The following CTNNA2 variants were observed in gnomAD, a reference collection of about 807,000 sequenced individuals.
The protein encoded by CTNNA2 is catenin alpha 2, also known as catenin alpha-2.
A neutral mutation model predicts 101.0 loss-of-function variants in CTNNA2; 42 were observed. The observed-to-expected ratio is 0.42, with a 90% CI of 0.32 to 0.54. The LOEUF (loss-of-function observed/expected upper bound fraction) is 0.54. CTNNA2 is among the 20% of genes least tolerant of loss of function. The pLI is 0.14. For synonymous variants in CTNNA2, 450 were observed against 456.4 expected (o/e 0.99, Z 0.18); for missense variants, 871 against 1,223.1 (o/e 0.71, Z 4.29).
intron 9 of CTNNA2, among the ~76,000 whole-genome samples, chr2:80,459,982 T>C (rs759662075): frequency 3.3e-5 from 5 of 152,144 alleles, no homozygotes; most frequent in African/African-American, 4.8e-5. Context: ...AGACTCAAAA[T>C]AATTTCCTTT....
At chr2:80,618,962 C>G (rs1699077061) in intron 17 of CTNNA2, 123 bp from the exon 18 acceptor site, 2 of 534,674 alleles carry the variant, frequency 3.7e-6, no homozygotes, top group South Asian at 9.7e-5. Flanking sequence ...CTTCATATAC[C>G]TCTTTTTTCC....
intron 6 of CTNNA2, among the ~76,000 whole-genome samples, chr2:79,882,897 G>T (rs561247530): frequency 6.6e-6 from 1 of 150,780 alleles, no homozygotes; most frequent in African/African-American, 2.5e-5. Flanking sequence ...CAGTTTTGCC[G>T]GCTGTGTTGC....
intron 7 of CTNNA2, among the ~76,000 whole-genome samples, chr2:80,233,588 G>A (rs1709378822): frequency 6.6e-6 from 1 of 152,168 alleles, no homozygotes; most frequent in Admixed American, 6.6e-5. Context: ...TATCTGTGAT[G>A]TGACAGACAG....
chr2:80,413,532 C>T (rs953750785), intron 8 of CTNNA2, among the ~76,000 whole-genome samples: 1 of 152,098 alleles, frequency 6.6e-6, no homozygotes, highest in Non-Finnish European at 1.5e-5. Context: ...CCTTCATTAC[C>T]AATGGAGTGT....
At chr2:79,737,025 C>T (rs1670929877) in intron 2 of CTNNA2, among the ~76,000 whole-genome samples, 1 of 152,092 alleles carries the variant, frequency 6.6e-6, no homozygotes, top group Non-Finnish European at 1.5e-5. Context: ...TATCATGGCA[C>T]CTAAAATGAG....
chr2:80,310,160 G>C (rs191768826), intron 7 of CTNNA2, among the ~76,000 whole-genome samples: 9 of 152,276 alleles, frequency 5.9e-5, no homozygotes, highest in African/African-American at 1.9e-4. Context: ...AGAAGCTAAA[G>C]GGACAGAAAT....
chr2:79,891,728 C>G (rs1205157837), intron 6 of CTNNA2, among the ~76,000 whole-genome samples: 1 of 152,066 alleles, frequency 6.6e-6, no homozygotes, highest in Non-Finnish European at 1.5e-5. Flanking sequence ...GGCAAAGGCA[C>G]ACTTAATAAA....
At chr2:80,581,178 A>C (rs2149717336) in intron 13 of CTNNA2, among the ~76,000 whole-genome samples, 1 of 152,332 alleles carries the variant, frequency 6.6e-6, no homozygotes, top group South Asian at 2.1e-4. Flanking sequence ...AAGAGAGGTA[A>C]GATAGTTTAT....
At chr2:79,984,444 C>T (rs1691615546) in intron 7 of CTNNA2, among the ~76,000 whole-genome samples, 1 of 152,166 alleles carries the variant, frequency 6.6e-6, no homozygotes, top group South Asian at 2.1e-4. Context: ...TCTGTTTTAC[C>T]TTAAACCCTG....
chr2:80,234,924 T>C (rs1020631458), intron 7 of CTNNA2, among the ~76,000 whole-genome samples: 4 of 151,934 alleles, frequency 2.6e-5, no homozygotes, highest in African/African-American at 9.7e-5. Flanking sequence ...AACAAATAAA[T>C]GGGTGTGGCT....
intron 7 of CTNNA2, among the ~76,000 whole-genome samples, chr2:80,306,971 A>C (rs1318789670): frequency 6.6e-6 from 1 of 151,784 alleles, no homozygotes; most frequent in Non-Finnish European, 1.5e-5. Flanking sequence ...TCACTGATTT[A>C]TATGTGAGTT....
At chr2:79,283,531 CTTGT>C (rs1286824078) in intron 2 of CTNNA2, among the ~76,000 whole-genome samples, 12 of 140,062 alleles carry the variant, frequency 8.6e-5, no homozygotes, top group Admixed American at 3.6e-4. Flanking sequence ...TTCCCTATTG[CTTGT>C]TTTTCTCAGG....
At chr2:79,638,785 A>G (rs1481371199) in intron 1 of CTNNA2, among the ~76,000 whole-genome samples, 1 of 152,188 alleles carries the variant, frequency 6.6e-6, no homozygotes, top group African/African-American at 2.4e-5. Context: ...ATAATAATTC[A>G]CTAGAGCTTG....
At chr2:79,447,793 C>T (rs868663532) in intron 4 of CTNNA2, among the ~76,000 whole-genome samples, 2 of 152,020 alleles carry the variant, frequency 1.3e-5, no homozygotes, top group African/African-American at 4.8e-5. Context: ...ATGACCAGTA[C>T]ATTTGAATCT....
intron 3 of CTNNA2, among the ~76,000 whole-genome samples, chr2:79,789,238 G>C (rs1675082830): frequency 6.6e-6 from 1 of 152,118 alleles, no homozygotes; most frequent in Non-Finnish European, 1.5e-5. Context: ...TCATGGATGA[G>C]GTTTTACAGG....
At chr2:79,901,384 G>A (rs572276681) in intron 6 of CTNNA2, among the ~76,000 whole-genome samples, 1 of 151,958 alleles carries the variant, frequency 6.6e-6, no homozygotes, top group Non-Finnish European at 1.5e-5. Context: ...CTTACTTGTT[G>A]CCTTGAACTA....
intron 2 of CTNNA2, among the ~76,000 whole-genome samples, chr2:79,240,421 G>A (rs1388427358): frequency 3.3e-5 from 5 of 151,814 alleles, no homozygotes; most frequent in Admixed American, 1.3e-4. Context: ...CCTTCTTTGC[G>A]TTCATGTGTA....
chr2:79,294,704 T>C (rs1337806943), intron 2 of CTNNA2, among the ~76,000 whole-genome samples: 1 of 152,168 alleles, frequency 6.6e-6, no homozygotes, highest in East Asian at 1.9e-4. Context: ...TTTTATCTTT[T>C]CTTATTGTTT....
intron 4 of CTNNA2, among the ~76,000 whole-genome samples, chr2:79,386,551 A>G (rs1316446912): frequency 6.6e-6 from 1 of 152,160 alleles, no homozygotes; most frequent in Non-Finnish European, 1.5e-5. Context: ...ATAGTCTCTT[A>G]ATTTGAAATA....
Sources: gnomAD v4.1 joint callset for allele counts (sites outside exome capture counted in the v4.1 genomes callset) on GRCh38, gnomAD v4.1.1 for gene constraint, MANE v1.5 for transcripts, NCBI Gene and HGNC (gene_info 2026-07-23, HGNC 2026-07-21) for gene names.